Variants in RO60 observed in about 807,000 individuals in gnomAD.
RO60 encodes Ro60, Y RNA binding protein.
Under a neutral mutation model 55.3 loss-of-function variants are expected in RO60, and 20 were observed. The ratio of observed to expected loss-of-function variants is 0.36; its 90% CI spans 0.25 to 0.53. The LOEUF (loss-of-function observed/expected upper bound fraction) is 0.53, where lower values mean the gene tolerates loss of function less well. RO60 is among the 20% of genes least tolerant of loss of function. RO60 has a pLI of 0.92. For missense variants in RO60, 558 were observed against 646.6 expected (o/e 0.86, Z 1.49); for synonymous variants, 213 against 213.6 (o/e 1.00, Z 0.02).
chr1:193,062,453 T>G (rs1039802454), intron 1 of RO60, among the ~76,000 whole-genome samples: 1 of 152,246 alleles, frequency 6.6e-6, no homozygotes, highest in African/African-American at 2.4e-5. Context: ...AAGTGCTTGT[T>G]TATTTAAATA....
At chr1:193,077,945 G>C (rs768470760) in intron 5 of RO60, among the ~76,000 whole-genome samples, 2 of 152,120 alleles carry the variant, frequency 1.3e-5, no homozygotes, top group Non-Finnish European at 2.9e-5. Context: ...GATAAAAAAT[G>C]AGTTTTTTAG....
chr1:193,059,800 C>T lies in RO60; in HGVS notation c.-22+24C>T. 1 of 1,356,634 alleles carries T rather than the reference C, an allele frequency of 7.4e-7. No homozygotes were observed. Among genetic ancestry groups the T allele is most frequent in the Non-Finnish European group, 9.8e-7 (1 of 1,017,332 alleles). The allele number at this position is 1,356,634 out of a possible 1,614,324, so 84.0% of individuals were successfully genotyped here. A position where few individuals can be genotyped will look rare whatever the true frequency, so the allele number is the denominator to read the frequency against. ...AGGTGAGGACATTGCGGGAGGCCGG[C>T]TGGGAGCCTTTTGTGCGGCCCCAGG... On this transcript the variant is annotated intron_variant, in intron 1 of 8. Coordinates refer to ENST00000400968, the MANE Select transcript of RO60 (RefSeq NM_001173524.2). This position sits in a 1 kb window ranked among gnomAD's most constrained non-coding sequence, Gnocchi z 4.9.
At chr1:193,083,820 A>G (rs1337732727) in intron 8 of RO60, among the ~76,000 whole-genome samples, 1 of 152,138 alleles carries the variant, frequency 6.6e-6, no homozygotes, top group Admixed American at 6.5e-5. Context: ...ATCATAGCTT[A>G]CTGTAACTTG....
intron 1 of RO60, among the ~76,000 whole-genome samples, chr1:193,064,543 A>T (rs1440731725): frequency 6.6e-6 from 1 of 152,196 alleles, no homozygotes; most frequent in Non-Finnish European, 1.5e-5. Flanking sequence ...GTAACTTGGG[A>T]CATGTTATTC....
intron 3 of RO60, 75 bp from the exon 4 acceptor site, chr1:193,076,426 T>A: frequency 6.8e-7 from 1 of 1,467,118 alleles, no homozygotes; most frequent in Non-Finnish European, 9.2e-7. Flanking sequence ...ATTATGAATA[T>A]TTTTTTATAT....
intron 2 of RO60, among the ~76,000 whole-genome samples, chr1:193,070,149 A>C (rs77721368): frequency 6.6e-6 from 1 of 150,722 alleles, no homozygotes; most frequent in Non-Finnish European, 1.5e-5. Flanking sequence ...AGAAAAGCAA[A>C]AAAAAAAAAA....
intron 2 of RO60, among the ~76,000 whole-genome samples, 175 bp downstream of exon 2, chr1:193,069,809 A>C (rs1300493487): frequency 6.6e-6 from 1 of 152,248 alleles, no homozygotes; most frequent in Non-Finnish European, 1.5e-5. Context: ...CCCCTACCAC[A>C]GGCGATCCAG....
At chr1:193,066,279 A>G (rs1240597367) in intron 1 of RO60, among the ~76,000 whole-genome samples, 1 of 152,130 alleles carries the variant, frequency 6.6e-6, no homozygotes, top group African/African-American at 2.4e-5. Flanking sequence ...GCATCTTCCC[A>G]TTGAAAAAGG....
At chr1:193,076,704 A>G (rs1673945312) in intron 4 of RO60, 57 bp downstream of exon 4, 1 of 1,500,080 alleles carries the variant, frequency 6.7e-7, no homozygotes, top group Admixed American at 2.3e-5. Flanking sequence ...TGGCTCCTAA[A>G]TTTTAGAAAT....
intron 2 of RO60, among the ~76,000 whole-genome samples, chr1:193,072,022 AG>A (rs1673552577): frequency 6.6e-6 from 1 of 151,882 alleles, no homozygotes; most frequent in African/African-American, 2.4e-5. Context: ...ATTTATTTTG[AG>A]ATGGAGTTTC....
rs1374739318 is a variant in RO60, at chr1:193,090,891, T to C, written c.*6160T>C. On this transcript the variant is annotated 3_prime_UTR_variant, in exon 9 of 9. Transcript: ENST00000400968. ...GTCTTTTAGAGCTTTTAATTTTACA[T>C]AGTGAATGGAAATTTAAGTATTACA... The C allele has an allele frequency of 6.6e-6, 1 of 152,128 alleles. No homozygotes were observed. The highest frequency in any genetic ancestry group is 2.4e-5 in the African/African-American group (1 of 41,442). 9.4% of individuals were successfully genotyped at this position (152,128 alleles called of 1,614,324 possible).
chr1:193,067,256 G>A lies in RO60; in HGVS notation c.-21-1778G>A, dbSNP rs529940308. 2.2e-3 allele frequency among the ~76,000 whole-genome samples: 332 copies of A among 149,228 alleles called. 2 individuals carry two copies. Among genetic ancestry groups the A allele is most frequent in the Non-Finnish European group, 3.8e-3 (254 of 67,476 alleles). ...GCTGGAGTGCAGTGGCAGGATCTTGGCTCACTGCAAGCTCCGCCTCCCGGG... is the reference window on the plus strand; with the variant it reads ...GCTGGAGTGCAGTGGCAGGATCTTGACTCACTGCAAGCTCCGCCTCCCGGG... On this transcript the variant is annotated intron_variant, in intron 1 of 8. Transcript: ENST00000400968.
chr1:193,063,642 G>T (rs190715333), intron 1 of RO60, among the ~76,000 whole-genome samples: 30 of 151,992 alleles, frequency 2.0e-4, no homozygotes, highest in Admixed American at 4.6e-4. Context: ...GCATCAGCTG[G>T]GTGTCCCCCA....
intron 1 of RO60, among the ~76,000 whole-genome samples, chr1:193,064,508 A>G (rs919806269): frequency 6.6e-6 from 1 of 152,224 alleles, no homozygotes; most frequent in Admixed American, 6.5e-5. Flanking sequence ...TTATGTGTGT[A>G]TCACACTCAG....
At chr1:193,063,712 G>C (rs1672932952) in intron 1 of RO60, among the ~76,000 whole-genome samples, 1 of 152,134 alleles carries the variant, frequency 6.6e-6, no homozygotes, top group African/African-American at 2.4e-5. Flanking sequence ...CAAATTAAAG[G>C]ACAAGGTCCC....
chr1:193,081,698 T>G (rs1674323355), intron 6 of RO60, among the ~76,000 whole-genome samples: 1 of 152,110 alleles, frequency 6.6e-6, no homozygotes, highest in Admixed American at 6.6e-5. Flanking sequence ...AAATTTTAAT[T>G]TTTACAACAA....
chr1:193,074,910 A>G (rs558071218), intron 2 of RO60, among the ~76,000 whole-genome samples: 3 of 152,234 alleles, frequency 2.0e-5, no homozygotes, highest in South Asian at 2.1e-4. Flanking sequence ...TAATTTTTGT[A>G]TAAGGTGTAA....
chr1:193,084,916 A>G lies in RO60; in HGVS notation c.*185A>G. 1.3e-6 allele frequency: 2 copies of G among 1,504,464 alleles called. No individual in the cohort carries two copies. Among genetic ancestry groups the G allele is most frequent in the East Asian group, 4.9e-5 (2 of 40,728 alleles). 93.2% of individuals were successfully genotyped at this position (1,504,464 alleles called of 1,614,324 possible). A position where few individuals can be genotyped will look rare whatever the true frequency, so the allele number is the denominator to read the frequency against. ...AGATGGGCCCAAAGGTCTATCTACT[A>G]AACTAGCTCTTGGGGAAATAGCTTC... is the stretch of plus-strand genomic sequence containing the variant. On this transcript the variant is annotated 3_prime_UTR_variant, in exon 9 of 9. Coordinates refer to ENST00000400968, the MANE Select transcript of RO60 (RefSeq NM_001173524.2).
At position 193,076,611 on chromosome 1, in the gene RO60, A is replaced by AT; in HGVS notation, c.913dup (p.Cys305LeufsTer2). ...CAGGAAATTCAGAAGTATCTTTAGT[A>AT]TGTGAAAAACTGTGTAATGAAAAAC... On this transcript the variant is annotated frameshift_variant, in exon 4 of 9. Transcript: ENST00000400968. LOFTEE classifies it high-confidence loss of function. 6.2e-7 allele frequency: 1 copy of AT among 1,609,440 alleles called. No homozygotes were observed. The highest frequency in any genetic ancestry group is 1.1e-5 in the South Asian group (1 of 90,150).
Sources: gnomAD v4.1 joint callset for allele counts (sites outside exome capture counted in the v4.1 genomes callset) on GRCh38, gnomAD v4.1.1 for gene constraint, Gnocchi (gnomAD v3.1) non-coding constraint, MANE v1.5 for transcripts, NCBI Gene and HGNC (gene_info 2026-07-23, HGNC 2026-07-21) for gene names.